Variants in SGK3 observed in about 807,000 individuals in gnomAD.
The protein encoded by SGK3 is serine/threonine-protein kinase Sgk3.
Under a neutral mutation model 68.5 loss-of-function variants are expected in SGK3, and 47 were observed. The observed-to-expected ratio is 0.69, with a 90% CI of 0.54 to 0.87. The LOEUF (loss-of-function observed/expected upper bound fraction) is 0.87. Ranked by LOEUF, SGK3 falls within the 40% of genes least tolerant of loss-of-function variation. The pLI, the probability that SGK3 is intolerant of heterozygous loss-of-function variation, is 0.00. For synonymous variants in SGK3, 181 were observed against 189.1 expected (o/e 0.96, Z 0.35); for missense variants, 479 against 575.5 (o/e 0.83, Z 1.72).
chr8:66,816,405 G>A (rs1324952954), intron 5 of SGK3, among the ~76,000 whole-genome samples: 1 of 148,706 alleles, frequency 6.7e-6, no homozygotes, highest in African/African-American at 2.5e-5. Context: ...GAGTGCAGTG[G>A]CGCAATCTCA....
In SGK3 at chr8:66,748,352, C is replaced by T. The variant is rs146406262; in HGVS notation, c.-122+35519C>T. On this transcript the variant is annotated intron_variant, in intron 1 of 16. Coordinates refer to ENST00000521198, the MANE Select transcript of SGK3 (RefSeq NM_001033578.3). Reference sequence around the variant, plus strand: ...TTGATCCCTGACTGTGCTGAACTGGCAACCTATAAAAACAACAGTGAGTTG... The same window carrying T: ...TTGATCCCTGACTGTGCTGAACTGGTAACCTATAAAAACAACAGTGAGTTG... 3.2e-3 allele frequency among the ~76,000 whole-genome samples: 491 copies of T among 152,280 alleles called. 3 individuals are homozygous for T. The highest frequency in any genetic ancestry group is 0.011 in the African/African-American group (472 of 41,556).
At chr8:66,839,068 C>T in intron 10 of SGK3, among the ~76,000 whole-genome samples, 1 of 151,864 alleles carries the variant, frequency 6.6e-6, no homozygotes, top group Non-Finnish European at 1.5e-5. Flanking sequence ...GATAAAGTTA[C>T]CTGGGAAGGG....
chr8:66,836,079 G>A lies in SGK3; in HGVS notation c.741+5G>A. On this transcript the variant is annotated splice_donor_5th_base_variant and intron_variant, in intron 10 of 16. Transcript: ENST00000521198. ...GATTTTGTTAATGGAGGGGAGGTGA[G>A]TTTTATAATGAGTTTTCTAATGTTA... is the stretch of plus-strand genomic sequence containing the variant. 6.2e-7 allele frequency: 1 copy of A among 1,605,716 alleles called. No homozygotes were observed. Among genetic ancestry groups the A allele is most frequent in the Non-Finnish European group, 8.5e-7 (1 of 1,177,246 alleles).
chr8:66,835,535 G>C (rs372970446), intron 8 of SGK3, among the ~76,000 whole-genome samples: 5 of 152,148 alleles, frequency 3.3e-5, no homozygotes, highest in Non-Finnish European at 4.4e-5. Context: ...TTCTCAAGCA[G>C]TGTAGATTTG....
At chr8:66,767,523 C>T in intron 1 of SGK3, 1 of 1,512,344 alleles carries the variant, frequency 6.6e-7, no homozygotes, top group Non-Finnish European at 9.2e-7. Flanking sequence ...AAGGGGGGCC[C>T]AGCTGAAACA....
At chr8:66,804,576 G>C in intron 4 of SGK3, 129 bp downstream of exon 4, 1 of 913,482 alleles carries the variant, frequency 1.1e-6, no homozygotes, top group Non-Finnish European at 1.6e-6. Context: ...AAATAATGCC[G>C]CAGGAAGGTG....
chr8:66,742,855 A>G lies in SGK3; in HGVS notation c.-122+30022A>G, dbSNP rs143711961. Reference sequence around the variant, plus strand: ...TATGACCTTTCATGGTTAGTCTCCAATCATGCCTTTCTGTCTCCATTTTCC... The same window carrying G: ...TATGACCTTTCATGGTTAGTCTCCAGTCATGCCTTTCTGTCTCCATTTTCC... On this transcript the variant is annotated intron_variant, in intron 1 of 16. Transcript: ENST00000521198. Among the ~76,000 whole-genome samples the G allele has an allele frequency of 3.0e-3, 459 of 152,190 alleles. 4 individuals carry two copies. Among genetic ancestry groups the G allele is most frequent in the Non-Finnish European group, 4.8e-3 (327 of 67,998 alleles).
chr8:66,720,540 C>T (rs997974487), intron 1 of SGK3, among the ~76,000 whole-genome samples: 7 of 151,824 alleles, frequency 4.6e-5, no homozygotes, highest in African/African-American at 7.3e-5. Flanking sequence ...GAGGCCAAGG[C>T]GGGTGGATCA....
intron 1 of SGK3, among the ~76,000 whole-genome samples, chr8:66,745,645 TG>T (rs1805635188): frequency 6.6e-6 from 1 of 152,180 alleles, no homozygotes; most frequent in African/African-American, 2.4e-5. Flanking sequence ...GGTGGGACTT[TG>T]TCTTAGTCCA....
intron 1 of SGK3, among the ~76,000 whole-genome samples, chr8:66,754,877 C>T (rs1040800846): frequency 5.3e-5 from 8 of 152,220 alleles, no homozygotes; most frequent in African/African-American, 1.9e-4. Flanking sequence ...ACCAATATGA[C>T]ACACCATTAA....
chr8:66,767,510 G>A (rs2130478238), intron 1 of SGK3: 1 of 1,510,456 alleles, frequency 6.6e-7, no homozygotes. Flanking sequence ...ATCTTCAAAG[G>A]TGAAGGGGGG....
At position 66,850,911 on chromosome 8, in the gene SGK3, T is replaced by C. The variant is rs1810255608; in HGVS notation, c.1311T>C (p.Asn437=). The change falls in exon 16 of 17, where the codon AAT becomes AAC. Residue 437 remains asparagine (N), a synonymous_variant. Transcript: ENST00000521198. ...LVQKKIPPPF[N]PNVAGPDDIR... is the part of the protein sequence containing the mutation. ...AAAAGAAGATTCCACCACCATTTAATCCTAATGTGGTAAGTATATATCCAA... is the reference window on the plus strand; with the variant it reads ...AAAAGAAGATTCCACCACCATTTAACCCTAATGTGGTAAGTATATATCCAA... 2 of 1,610,226 alleles carry C rather than the reference T, an allele frequency of 1.2e-6. No individual in the cohort carries two copies.
At chr8:66,834,846 A>C (rs977595182) in intron 8 of SGK3, among the ~76,000 whole-genome samples, 10 of 151,414 alleles carry the variant, frequency 6.6e-5, no homozygotes, top group Admixed American at 5.9e-4. Flanking sequence ...AGGCTGAGGC[A>C]GGAGAATGGT....
intron 1 of SGK3, among the ~76,000 whole-genome samples, chr8:66,787,568 G>A (rs1019501417): frequency 6.6e-6 from 1 of 152,094 alleles, no homozygotes; most frequent in Non-Finnish European, 1.5e-5. Flanking sequence ...TGAGGGGAAG[G>A]CCAAATTGTT....
chr8:66,733,038 A>G (rs1278253079), intron 1 of SGK3, among the ~76,000 whole-genome samples: 2 of 152,184 alleles, frequency 1.3e-5, no homozygotes, highest in African/African-American at 4.8e-5. Context: ...TGCAGAGGAA[A>G]AATTCTACGA....
rs1806146061 is a variant in SGK3 at position 66,760,880 on chromosome 8, A to C, written c.-121-32736A>C. On this transcript the variant is annotated intron_variant, in intron 1 of 16. Coordinates refer to ENST00000521198, the MANE Select transcript of SGK3 (RefSeq NM_001033578.3). ...TAAAGAAATGTACTAAGCCGGGCGT[A>C]GTGGTGCATGCCTGTAATCCCAGCT... Among the ~76,000 whole-genome samples, 4 of 151,644 alleles carry C rather than the reference A, an allele frequency of 2.6e-5. No individual in the cohort carries two copies. In the South Asian group the frequency reaches 6.3e-4, roughly 24 times the overall value.
chr8:66,758,330 G>A (rs1806051940), intron 1 of SGK3, among the ~76,000 whole-genome samples: 1 of 151,908 alleles, frequency 6.6e-6, no homozygotes, highest in Non-Finnish European at 1.5e-5. Flanking sequence ...CTGCAGCCTG[G>A]GCAACAGAGT....
At chr8:66,768,406 A>G (rs1806395343) in intron 1 of SGK3, among the ~76,000 whole-genome samples, 1 of 150,146 alleles carries the variant, frequency 6.7e-6, no homozygotes, top group Non-Finnish European at 1.5e-5. Flanking sequence ...TCTACTGGTT[A>G]TGAATTTTTC....
intron 4 of SGK3, among the ~76,000 whole-genome samples, chr8:66,809,848 A>G (rs935948046): frequency 6.6e-6 from 1 of 152,310 alleles, no homozygotes; most frequent in South Asian, 2.1e-4. Flanking sequence ...AAGATGGCTC[A>G]CTCATATGGT....
Sources: allele counts gnomAD v4.1 joint callset (sites outside exome capture counted in the v4.1 genomes callset), GRCh38; gene constraint gnomAD v4.1.1; transcripts MANE v1.5; gene names NCBI Gene and HGNC (gene_info 2026-07-23, HGNC 2026-07-21).